SNTG1: variants seen among roughly 807,000 people sequenced by gnomAD.
SNTG1 encodes the protein gamma-1-syntrophin.
In SNTG1, 39 loss-of-function variants were observed where a neutral mutation model predicts 74.7. The ratio of observed to expected loss-of-function variants is 0.52; its 90% confidence interval spans 0.40 to 0.68. SNTG1 has a LOEUF of 0.68. SNTG1 is among the 30% of genes least tolerant of loss of function. The pLI, the probability that SNTG1 is intolerant of heterozygous loss-of-function variation, is 0.00. For missense variants in SNTG1, 685 were observed against 609.5 expected, an observed-to-expected ratio of 1.12 and a Z score of -1.30; for synonymous variants, 254 against 217.1, an observed-to-expected ratio of 1.17 and a Z score of -1.49.
intron 1 of SNTG1, chr8:50,163,992 A>C (rs2082520753): frequency 6.7e-6 from 1 of 149,030 alleles, no homozygotes; most frequent in Non-Finnish European, 1.5e-5. Context: ...ACTGAAATCT[A>C]TGGGTTTGAT....
chr8:50,533,946 A>G (rs1363723943), intron 10 of SNTG1, among the ~76,000 whole-genome samples: 3 of 152,208 alleles, frequency 2.0e-5, no homozygotes, highest in Non-Finnish European at 4.4e-5. Flanking sequence ...CTCATTACCC[A>G]TATCTTTAAC....
At chr8:50,661,557 A>T (rs890616069) in intron 15 of SNTG1, among the ~76,000 whole-genome samples, 1 of 152,106 alleles carries the variant, frequency 6.6e-6, no homozygotes, top group Non-Finnish European at 1.5e-5. Flanking sequence ...TTAATACTTC[A>T]AGTTCTGGGA....
intron 17 of SNTG1, among the ~76,000 whole-genome samples, chr8:50,711,058 TAAG>T (rs1027932694): frequency 1.3e-5 from 2 of 152,126 alleles, no homozygotes; most frequent in African/African-American, 2.4e-5. Flanking sequence ...ATGTCAGACA[TAAG>T]GAGGAGGACA....
At chr8:50,347,730 G>A (rs537335822) in intron 2 of SNTG1, among the ~76,000 whole-genome samples, 1 of 152,180 alleles carries the variant, frequency 6.6e-6, no homozygotes, top group South Asian at 2.1e-4. Flanking sequence ...TCCATAGTAG[G>A]TGTTCAACTA....
At chr8:50,336,948 G>T (rs1488060427) in intron 2 of SNTG1, among the ~76,000 whole-genome samples, 4 of 152,154 alleles carry the variant, frequency 2.6e-5, no homozygotes, top group Non-Finnish European at 5.9e-5. Flanking sequence ...CATTATTAAA[G>T]AAAATAACTT....
At chr8:50,654,164 T>A (rs1005553067) in intron 13 of SNTG1, among the ~76,000 whole-genome samples, 2 of 152,164 alleles carry the variant, frequency 1.3e-5, no homozygotes, top group Non-Finnish European at 2.9e-5. Context: ...TTTCAATATA[T>A]CTTCTGTTCA....
intron 1 of SNTG1, among the ~76,000 whole-genome samples, chr8:49,996,287 C>T (rs963013063): frequency 6.6e-6 from 1 of 151,546 alleles, no homozygotes; most frequent in Non-Finnish European, 1.5e-5. Flanking sequence ...ACTTGCATTA[C>T]AATTCTTGGA....
rs1366440650 is a variant in SNTG1 at position 50,795,729 on chromosome 8, T to G, written c.*2900T>G. On this transcript the variant is annotated 3_prime_UTR_variant, in exon 19 of 19. Transcript: ENST00000642720. ...AACTACTATAATAATGTCTTTTGCC[T>G]GATAAAGAATAACAATTCATCTAAG... 1 of 152,098 alleles carries G rather than the reference T, an allele frequency of 6.6e-6. No individual in the cohort carries two copies. Among genetic ancestry groups the G allele is most frequent in the Non-Finnish European group, 1.5e-5 (1 of 67,988 alleles). 9.4% of individuals were successfully genotyped at this position (152,098 alleles called of 1,614,324 possible).
intron 2 of SNTG1, among the ~76,000 whole-genome samples, chr8:50,185,424 GA>G (rs1372795575): frequency 1.3e-5 from 2 of 152,162 alleles, no homozygotes; most frequent in Non-Finnish European, 2.9e-5. Flanking sequence ...TTACAGCAGT[GA>G]GTGTGATAAT....
intron 9 of SNTG1, among the ~76,000 whole-genome samples, chr8:50,509,463 G>A (rs2094044075): frequency 6.6e-6 from 1 of 152,162 alleles, no homozygotes; most frequent in African/African-American, 2.4e-5. Flanking sequence ...AAACTCATCG[G>A]TAGCTTGATG....
intron 17 of SNTG1, among the ~76,000 whole-genome samples, chr8:50,744,171 G>T (rs1022169036): frequency 3.3e-5 from 5 of 151,968 alleles, no homozygotes; most frequent in Non-Finnish European, 7.4e-5. Flanking sequence ...TTTAAGCGGG[G>T]ACAAATATCC....
rs372024812 is a variant in SNTG1, at chr8:50,793,322, A to C, written c.*493A>C. On this transcript the variant is annotated 3_prime_UTR_variant, in exon 19 of 19. Coordinates refer to ENST00000642720, the MANE Select transcript of SNTG1 (RefSeq NM_018967.5). ...AGGAGCATGCAAAAAAATCTCATCA[A>C]AGAAGGATGCACTTTAATTTGCTGA... 1 of 151,976 alleles carries C rather than the reference A, an allele frequency of 6.6e-6. No individual in the cohort carries two copies. The highest frequency in any genetic ancestry group is 2.4e-5 in the African/African-American group (1 of 41,434). 9.4% of individuals were successfully genotyped at this position (151,976 alleles called of 1,614,324 possible).
intron 4 of SNTG1, among the ~76,000 whole-genome samples, chr8:50,410,496 A>G (rs1461288662): frequency 6.6e-6 from 1 of 152,224 alleles, no homozygotes; most frequent in Admixed American, 6.5e-5. Flanking sequence ...CAAAGAATAT[A>G]TATATTCAAG....
chr8:50,177,341 A>G (rs2083036270), intron 2 of SNTG1, among the ~76,000 whole-genome samples: 1 of 152,122 alleles, frequency 6.6e-6, no homozygotes, highest in Admixed American at 6.5e-5. Flanking sequence ...CCTTGCCTTC[A>G]GGCTGGATTA....
intron 1 of SNTG1, among the ~76,000 whole-genome samples, chr8:50,163,184 C>G (rs190576338): frequency 1.4e-3 from 219 of 152,338 alleles, no homozygotes; most frequent in African/African-American, 4.8e-3. Flanking sequence ...GAAAGCAACT[C>G]TCCTCAACTC....
At chr8:50,133,170 C>T (rs1051224684) in intron 1 of SNTG1, among the ~76,000 whole-genome samples, 2 of 152,194 alleles carry the variant, frequency 1.3e-5, no homozygotes, top group Non-Finnish European at 1.5e-5. Context: ...TTATGACTTA[C>T]AAGTTCTACT....
At chr8:50,177,897 G>A (rs889711269) in intron 2 of SNTG1, among the ~76,000 whole-genome samples, 3 of 152,054 alleles carry the variant, frequency 2.0e-5, no homozygotes, top group Non-Finnish European at 4.4e-5. Context: ...TGAACCCCTG[G>A]AAACCAATGA....
chr8:50,232,232 A>G (rs1002917968), intron 2 of SNTG1, among the ~76,000 whole-genome samples: 32 of 151,422 alleles, frequency 2.1e-4, no homozygotes, highest in Admixed American at 3.3e-4. Context: ...ATTAAGCAAC[A>G]TATATAGGAA....
chr8:49,939,348 A>G (rs1426374507), intron 1 of SNTG1, among the ~76,000 whole-genome samples: 16 of 152,202 alleles, frequency 1.1e-4, no homozygotes, highest in Non-Finnish European at 4.4e-5. Context: ...TAGCTTGTCT[A>G]TTTATAGTCA....
Sources: gnomAD v4.1 joint callset for allele counts (sites outside exome capture counted in the v4.1 genomes callset) on GRCh38, gnomAD v4.1.1 for gene constraint, MANE v1.5 for transcripts, NCBI Gene and HGNC (gene_info 2026-07-23, HGNC 2026-07-21) for gene names.